Variants in CD55 observed in about 807,000 individuals in gnomAD.
CD55 encodes CD55 molecule (Cromer blood group).
In CD55, 41 loss-of-function variants were observed where a neutral mutation model predicts 45.8. That is an observed-to-expected ratio of 0.90 (90% CI 0.70 to 1.16). The LOEUF (loss-of-function observed/expected upper bound fraction) is 1.16. CD55 is among the 50% of genes most tolerant of loss of function. CD55 has a pLI of 0.00. For missense variants in CD55, 416 were observed against 469.8 expected (o/e 0.89, Z 1.06); for synonymous variants, 181 against 181.1 (o/e 1.00, Z 0.01).
intron 9 of CD55, among the ~76,000 whole-genome samples, chr1:207,351,154 G>A (rs940976815): frequency 1.3e-5 from 2 of 152,118 alleles, no homozygotes; most frequent in East Asian, 1.9e-4. Context: ...TTATTGTATA[G>A]TTTTAAGAGA....
Position 207,340,527 on chromosome 1 carries a change from G to A in CD55, c.1081+1110G>A, listed in dbSNP as rs564294030. 63 of 697,626 alleles carry A rather than the reference G, an allele frequency of 9.0e-5. 1 individual carries two copies. The highest frequency in any genetic ancestry group is 7.8e-4 in the South Asian group (52 of 67,080). The allele number at this position is 697,626 out of a possible 1,614,324, so 43.2% of individuals were successfully genotyped here. The stretch of plus-strand genomic sequence containing the variant: ...ACTACAGGTGTGTGCCACGACACCC[G>A]GCTAAGTTTTTGAAATTTATTTTTT... On this transcript the variant is annotated intron_variant, in intron 9 of 9. Transcript: ENST00000367064.
At position 207,326,888 on chromosome 1, in the gene CD55, G is replaced by A; in HGVS notation, c.664+51G>A. 2.3e-6 allele frequency: 3 copies of A among 1,283,332 alleles called. No homozygotes were observed. The South Asian group carries it at 3.7e-5, about 16-fold the overall frequency. 79.5% of individuals were successfully genotyped at this position (1,283,332 alleles called of 1,614,324 possible). A position where few individuals can be genotyped will look rare whatever the true frequency, so the allele number is the denominator to read the frequency against. The stretch of plus-strand genomic sequence containing the variant: ...CAGATTGTGAGGCTGAGTACTCAAT[G>A]ATAAATTAATTTCTGCCCCTTAAGA... On this transcript the variant is annotated intron_variant, in intron 5 of 9. Transcript: ENST00000367064.
chr1:207,322,781 G>A (rs541534487), intron 2 of CD55, among the ~76,000 whole-genome samples: 1 of 152,184 alleles, frequency 6.6e-6, no homozygotes, highest in Non-Finnish European at 1.5e-5. Context: ...TCCTAACACT[G>A]TACCTCTTGA....
intron 9 of CD55, among the ~76,000 whole-genome samples, chr1:207,339,851 G>T (rs1298073126): frequency 6.6e-6 from 1 of 152,084 alleles, no homozygotes; most frequent in Non-Finnish European, 1.5e-5. Flanking sequence ...GATACATAAT[G>T]TTTTATATAT....
intron 9 of CD55, among the ~76,000 whole-genome samples, chr1:207,343,010 T>C (rs1459400739): frequency 1.3e-5 from 2 of 152,124 alleles, no homozygotes; most frequent in Non-Finnish European, 2.9e-5. Context: ...GTCTCTGATA[T>C]TTTGTATTTC....
chr1:207,352,336 A>G (rs548061795), intron 9 of CD55, among the ~76,000 whole-genome samples: 2 of 152,062 alleles, frequency 1.3e-5, no homozygotes, highest in Non-Finnish European at 2.9e-5. Flanking sequence ...CCACACATAT[A>G]CTGTAAATCA....
chr1:207,350,155 A>T (rs773255459), intron 9 of CD55: 2 of 453,506 alleles, frequency 4.4e-6, no homozygotes, highest in Non-Finnish European at 8.9e-6. Flanking sequence ...TATGTGATGA[A>T]TCACATTTAT....
At chr1:207,343,947 T>C (rs185423293) in intron 9 of CD55, among the ~76,000 whole-genome samples, 57 of 152,344 alleles carry the variant, frequency 3.7e-4, no homozygotes, top group African/African-American at 1.3e-3. Flanking sequence ...GTTTTTTACC[T>C]AAAGTCTGTT....
chr1:207,358,541 A>G (rs1156378560), intron 9 of CD55: 1 of 152,202 alleles, frequency 6.6e-6, no homozygotes, highest in Non-Finnish European at 1.5e-5. Context: ...TGAGAGCAAC[A>G]AAGTACTCAA....
At chr1:207,350,089 AG>A (rs1195516612) in intron 9 of CD55, 1 of 454,244 alleles carries the variant, frequency 2.2e-6, no homozygotes, top group East Asian at 7.1e-5. Context: ...TGTTGTCAAA[AG>A]CCTTTTCTAC....
At chr1:207,323,007 A>C (rs920501837) in intron 2 of CD55, among the ~76,000 whole-genome samples, 6 of 152,294 alleles carry the variant, frequency 3.9e-5, no homozygotes, top group African/African-American at 1.2e-4. Flanking sequence ...TATAGGGTAC[A>C]TGTGATATTC....
rs1338992502 is a variant in CD55, at chr1:207,336,638, G to A, written c.854-55G>A. The A allele has an allele frequency of 3.1e-6, 5 of 1,600,462 alleles. No individual in the cohort carries two copies. The African/African-American group carries it at 5.4e-5, about 17-fold the overall frequency. On this transcript the variant is annotated intron_variant, in intron 6 of 9. Coordinates refer to ENST00000367064, the MANE Select transcript of CD55 (RefSeq NM_000574.5). ...CACAGAGCAAGCAATGGCTAAGAAT[G>A]TTAATGTGGCCAGCAATATTTAGCT... is the stretch of plus-strand genomic sequence containing the variant.
At chr1:207,333,721 C>G (rs757151860) in intron 6 of CD55, among the ~76,000 whole-genome samples, 14 of 152,078 alleles carry the variant, frequency 9.2e-5, no homozygotes, top group Non-Finnish European at 1.8e-4. Context: ...AATGAATATT[C>G]TACAACTGGA....
In CD55 at chr1:207,345,520, C is replaced by T. The variant is rs1655597054; in HGVS notation, c.1081+6103C>T. 2.0e-5 allele frequency among the ~76,000 whole-genome samples: 3 copies of T among 151,892 alleles called. No individual in the cohort carries two copies. In the South Asian group the frequency reaches 6.2e-4, roughly 32 times the overall value. ...AACAAATTTTAAAGTTTGTATCTCA[C>T]CTCCCTGAGCTTTTTTAATATCACA... is the stretch of plus-strand genomic sequence containing the variant. On this transcript the variant is annotated intron_variant, in intron 9 of 9. Coordinates refer to ENST00000367064, the MANE Select transcript of CD55 (RefSeq NM_000574.5).
Position 207,331,277 on chromosome 1 carries a change from C to G in CD55, c.834C>G (p.Gly278=). The G allele has an allele frequency of 6.2e-7, 1 of 1,613,330 alleles. No individual in the cohort carries two copies. Among genetic ancestry groups the G allele is most frequent in the South Asian group, 1.1e-5 (1 of 91,002 alleles). The change falls in exon 6 of 10, where the codon GGC becomes GGG. Residue 278 remains glycine (G), a synonymous_variant. Transcript: ENST00000367064. ...TVNNDEGEWS[G]PPPECRGKSL... is the part of the protein sequence containing the mutation. The stretch of plus-strand genomic sequence containing the variant: ...ATAATGATGAAGGAGAGTGGAGTGG[C>G]CCACCACCTGAATGCAGAGGTAATC...
At chr1:207,346,680 C>A (rs971842739) in intron 9 of CD55, among the ~76,000 whole-genome samples, 24 of 152,182 alleles carry the variant, frequency 1.6e-4, no homozygotes, top group African/African-American at 5.8e-4. Flanking sequence ...GGTGTCAGGT[C>A]GCTGCCAGTG....
chr1:207,340,761 C>G, intron 9 of CD55: 1 of 445,956 alleles, frequency 2.2e-6, no homozygotes, highest in South Asian at 4.5e-5. Flanking sequence ...TATGTGAATG[C>G]ACATATCTTT....
chr1:207,328,182 C>T (rs6691942), intron 5 of CD55, among the ~76,000 whole-genome samples: 57,416 of 151,964 alleles, frequency 0.38, 11,722 homozygotes, highest in Middle Eastern at 0.53. Flanking sequence ...TCTTGAACTC[C>T]ATGCTGAATA....
chr1:207,334,183 G>C (rs1420705395), intron 6 of CD55, among the ~76,000 whole-genome samples: 1 of 152,074 alleles, frequency 6.6e-6, no homozygotes, highest in Non-Finnish European at 1.5e-5. Flanking sequence ...CAGTATAACT[G>C]ATTACTGCTC....
Sources: gnomAD v4.1 joint callset for allele counts (sites outside exome capture counted in the v4.1 genomes callset) on GRCh38, gnomAD v4.1.1 for gene constraint, MANE v1.5 for transcripts, NCBI Gene and HGNC (gene_info 2026-07-23, HGNC 2026-07-21) for gene names.